PDE10A: variants seen among roughly 807,000 people sequenced by gnomAD.
PDE10A encodes cAMP and cAMP-inhibited cGMP 3',5'-cyclic phosphodiesterase 10A.
PDE10A carries 39 observed loss-of-function variants against 97.7 expected under a neutral mutation model. The ratio of observed to expected loss-of-function variants is 0.40; its 90% CI spans 0.31 to 0.52. The LOEUF (loss-of-function observed/expected upper bound fraction) is 0.52. Among genes scored for constraint, PDE10A ranks in the 20% least tolerant of loss-of-function variants. The pLI, the probability that PDE10A is intolerant of heterozygous loss-of-function variation, is 0.56. For synonymous variants in PDE10A, 371 were observed against 376.8 expected (o/e 0.98, Z 0.18); for missense variants, 731 against 1,047.8 (o/e 0.70, Z 4.17).
intron 1 of PDE10A, among the ~76,000 whole-genome samples, chr6:165,756,758 C>T (rs1793126345): frequency 1.3e-5 from 2 of 151,974 alleles, no homozygotes; most frequent in Admixed American, 1.3e-4. Flanking sequence ...CCTCCATCAG[C>T]AATGTATAAA....
intron 3 of PDE10A, among the ~76,000 whole-genome samples, chr6:165,453,983 C>T (rs1777789997): frequency 6.6e-6 from 1 of 152,208 alleles, no homozygotes; most frequent in South Asian, 2.1e-4. Context: ...ATACTCAAGG[C>T]CTAGGGAGCC....
Position 165,564,426 on chromosome 6 carries a change from T to C in PDE10A, c.866-20858A>G, listed in dbSNP as rs183793553. Among the ~76,000 whole-genome samples the C allele has an allele frequency of 2.4e-3, 354 of 149,404 alleles. 1 individual carries two copies. The highest frequency in any genetic ancestry group is 3.7e-3 in the Admixed American group (56 of 15,226). ...TTGGTTAGACAACAACGAAATGTTG[T>C]TGAAAACATCTTCTTAATACAGAGA... On this transcript the variant is annotated intron_variant, in intron 1 of 21. Transcript: ENST00000539869.
At chr6:165,985,086 C>A (rs1785146842) in intron 1 of PDE10A, among the ~76,000 whole-genome samples, 1 of 152,240 alleles carries the variant, frequency 6.6e-6, no homozygotes, top group Admixed American at 6.5e-5. Context: ...ACAGCCGAGG[C>A]CACAGAGCTG....
At chr6:165,913,901 T>G (rs1485092537) in intron 1 of PDE10A, among the ~76,000 whole-genome samples, 2 of 152,244 alleles carry the variant, frequency 1.3e-5, no homozygotes, top group African/African-American at 4.8e-5. Flanking sequence ...AAAGAGATTT[T>G]ATCTTTTTCT....
chr6:165,572,189 G>A (rs112819253), intron 1 of PDE10A, among the ~76,000 whole-genome samples: 1 of 152,146 alleles, frequency 6.6e-6, no homozygotes, highest in East Asian at 1.9e-4. Flanking sequence ...AAGAAATGTG[G>A]AATTATTATT....
intron 1 of PDE10A, among the ~76,000 whole-genome samples, chr6:165,700,299 G>T (rs1489406745): frequency 6.6e-6 from 1 of 152,148 alleles, no homozygotes; most frequent in African/African-American, 2.4e-5. Flanking sequence ...GAAGGGGATG[G>T]GGTAGGGGGC....
chr6:165,898,637 C>T (rs1430625968), intron 1 of PDE10A, among the ~76,000 whole-genome samples: 76 of 152,176 alleles, frequency 5.0e-4, no homozygotes, highest in Non-Finnish European at 4.4e-5. Context: ...AGGGCATCTA[C>T]ACCTCAGGAT....
chr6:165,660,981 G>C (rs1790224754), intron 1 of PDE10A: 1 of 152,564 alleles, frequency 6.6e-6, no homozygotes, highest in Admixed American at 6.5e-5. Flanking sequence ...CCGCGACCGC[G>C]ACGCCCCCCT....
chr6:165,864,564 T>G (rs950173206), intron 1 of PDE10A, among the ~76,000 whole-genome samples: 6 of 152,254 alleles, frequency 3.9e-5, no homozygotes, highest in African/African-American at 1.4e-4. Flanking sequence ...GAATTTTAAG[T>G]GATAATACAC....
At chr6:165,491,570 T>C (rs1021433139) in intron 2 of PDE10A, among the ~76,000 whole-genome samples, 1 of 152,028 alleles carries the variant, frequency 6.6e-6, no homozygotes, top group African/African-American at 2.4e-5. Context: ...TGGAATAAAA[T>C]TGGAAATCAA....
chr6:165,540,314 C>T (rs866900962), intron 2 of PDE10A, among the ~76,000 whole-genome samples: 6 of 152,092 alleles, frequency 3.9e-5, no homozygotes, highest in South Asian at 2.1e-4. Context: ...ATACGGTCAG[C>T]GTTCACACTG....
chr6:165,555,536 G>A (rs1033364349), intron 1 of PDE10A, among the ~76,000 whole-genome samples: 2 of 152,164 alleles, frequency 1.3e-5, no homozygotes, highest in Non-Finnish European at 2.9e-5. Context: ...AATTAAGATT[G>A]TAAGAGAAAT....
chr6:165,526,935 T>G (rs1782482973), intron 2 of PDE10A, among the ~76,000 whole-genome samples: 1 of 152,240 alleles, frequency 6.6e-6, no homozygotes, highest in Non-Finnish European at 1.5e-5. Context: ...CACTTCTTGC[T>G]TCTGCAAGGT....
intron 1 of PDE10A, among the ~76,000 whole-genome samples, chr6:165,805,402 C>G (rs1301745849): frequency 6.6e-6 from 1 of 152,110 alleles, no homozygotes; most frequent in Non-Finnish European, 1.5e-5. Context: ...GATGAAAAAC[C>G]AAAACCAAAT....
intron 1 of PDE10A, among the ~76,000 whole-genome samples, chr6:165,616,590 C>T (rs780923227): frequency 3.9e-5 from 6 of 152,254 alleles, no homozygotes; most frequent in Admixed American, 2.6e-4. Context: ...ATCATGTTAA[C>T]GCTCTTGGCT....
intron 1 of PDE10A, among the ~76,000 whole-genome samples, chr6:165,556,948 T>C (rs1784286133): frequency 6.6e-6 from 1 of 152,132 alleles, no homozygotes; most frequent in Admixed American, 6.5e-5. Flanking sequence ...GACACCAGCC[T>C]GGCCAAAATG....
intron 1 of PDE10A, among the ~76,000 whole-genome samples, chr6:165,764,240 C>T (rs557533621): frequency 1.3e-5 from 2 of 152,342 alleles, no homozygotes; most frequent in South Asian, 4.1e-4. Flanking sequence ...CATCCTGAAT[C>T]TCAGTTTTAC....
Position 165,861,639 on chromosome 6 carries a change from G to C in PDE10A, c.-615+125890C>G, listed in dbSNP as rs138005272. On this transcript the variant is annotated intron_variant, in intron 1 of 19. Coordinates refer to the PDE10A transcript ENST00000366882. ...GTCGCAGGAGGACAGATGGGAGTTC[G>C]CTGGGAAGGGGAGCAGAGACCGAAA... Among the ~76,000 whole-genome samples, 1,097 of 152,076 alleles carry C rather than the reference G, an allele frequency of 7.2e-3. 6 individuals carry two copies. Among genetic ancestry groups the C allele is most frequent in the Non-Finnish European group, 0.013 (851 of 67,974 alleles).
chr6:165,430,219 G>A, intron 9 of PDE10A, 68 bp downstream of exon 9: 2 of 1,096,580 alleles, frequency 1.8e-6, no homozygotes, highest in Non-Finnish European at 2.7e-6. Flanking sequence ...GTCTATTTCT[G>A]CCACAGGCTG....
Sources: gnomAD v4.1 joint callset for allele counts (sites outside exome capture counted in the v4.1 genomes callset) on GRCh38, gnomAD v4.1.1 for gene constraint, MANE v1.5 for transcripts, NCBI Gene and HGNC (gene_info 2026-07-23, HGNC 2026-07-21) for gene names.